The following RPH3AL variants were observed in gnomAD, a reference collection of about 807,000 sequenced individuals.
RPH3AL encodes rabphilin 3A like (without C2 domains), also known as rab effector Noc2.
In RPH3AL, 38 loss-of-function variants were observed where a neutral mutation model predicts 43.1. That is an observed-to-expected ratio of 0.88 (90% confidence interval 0.68 to 1.15). The LOEUF (loss-of-function observed/expected upper bound fraction) is 1.15. RPH3AL is among the 50% of genes most tolerant of loss of function. The pLI, the probability that RPH3AL is intolerant of heterozygous loss-of-function variation, is 0.00. For missense variants in RPH3AL, 462 were observed against 423.2 expected, an observed-to-expected ratio of 1.09 and a Z score of -0.81; for synonymous variants, 189 against 176.3, an observed-to-expected ratio of 1.07 and a Z score of -0.57.
At chr17:319,604 G>A (rs1043553776) in intron 4 of RPH3AL, 55 bp from the exon 5 acceptor site, 2 of 1,597,998 alleles carry the variant, frequency 1.3e-6, no homozygotes, top group African/African-American at 1.3e-5. Context: ...GGGCACAGTT[G>A]CACTGAGGCC....
intron 5 of RPH3AL, among the ~76,000 whole-genome samples, chr17:282,230 G>A (rs1322543969): frequency 6.6e-6 from 1 of 152,234 alleles, no homozygotes; most frequent in Non-Finnish European, 1.5e-5. Context: ...AGCCGACGGC[G>A]GTGCTGCCTG....
At chr17:318,658 C>T (rs977104497) in intron 5 of RPH3AL, among the ~76,000 whole-genome samples, 1 of 152,006 alleles carries the variant, frequency 6.6e-6, no homozygotes, top group Non-Finnish European at 1.5e-5. Context: ...GATTAGAAGG[C>T]ATATTATTCT....
rs1442352483 is a variant in RPH3AL, at chr17:213,817, C to A, written c.*35G>T. 1 of 1,581,160 alleles carries A rather than the reference C, an allele frequency of 6.3e-7. No individual in the cohort carries two copies. The highest frequency in any genetic ancestry group is 8.7e-7 in the Non-Finnish European group (1 of 1,151,858). On this transcript the variant is annotated 3_prime_UTR_variant, in exon 10 of 10. Coordinates refer to ENST00000331302, the MANE Select transcript of RPH3AL (RefSeq NM_006987.4). ...AGCCGGGCAGGGTCTGGCAGGAATC[C>A]TCCACAGGGAAGTCTGTTCCAGGCA...
chr17:215,741 G>T lies in RPH3AL; in HGVS notation c.789C>A (p.Cys263Ter). ...TCTCACCACTGGCCAGGCTGCTCTG[G>T]CACCCAGAGAGGTGGCCCGGCGGGT... ...FTHPPGHLSG[C>*]QSSLASGETG... Residue 263 changes from cysteine to a stop codon, truncating the protein, a stop_gained, in exon 9 of 10, where the codon TGC becomes TGA. Coordinates refer to ENST00000331302, the MANE Select transcript of RPH3AL (RefSeq NM_006987.4). LOFTEE classifies it high-confidence loss of function. This position sits in a 1 kb window ranked among gnomAD's most constrained non-coding sequence, Gnocchi z 4.1. The T allele has an allele frequency of 7.6e-7, 1 of 1,307,704 alleles. No individual in the cohort carries two copies. 81.0% of individuals were successfully genotyped at this position (1,307,704 alleles called of 1,614,324 possible). A position where few individuals can be genotyped will look rare whatever the true frequency, so the allele number is the denominator to read the frequency against.
At chr17:296,889 G>C (rs2043194020) in intron 5 of RPH3AL, among the ~76,000 whole-genome samples, 1 of 152,210 alleles carries the variant, frequency 6.6e-6, no homozygotes, top group African/African-American at 2.4e-5. Flanking sequence ...CGCTCAGGAG[G>C]CCTCTTGGGG....
At chr17:351,096 A>G (rs893016908) in intron 1 of RPH3AL, among the ~76,000 whole-genome samples, 1 of 152,136 alleles carries the variant, frequency 6.6e-6, no homozygotes, top group Non-Finnish European at 1.5e-5. Context: ...GCCTCCCCAC[A>G]GAGGGCCAAG....
At chr17:282,309 G>T (rs1376275595) in intron 5 of RPH3AL, among the ~76,000 whole-genome samples, 2 of 152,244 alleles carry the variant, frequency 1.3e-5, no homozygotes, top group African/African-American at 4.8e-5. Flanking sequence ...GTGTCCGACA[G>T]GTCAGAAGAC....
intron 7 of RPH3AL, among the ~76,000 whole-genome samples, chr17:220,376 T>G (rs373977625): frequency 0.031 from 1,655 of 53,012 alleles, 1 homozygote; most frequent in Non-Finnish European, 0.036. Flanking sequence ...CAGCTCTGAG[T>G]CCTCCACTCA....
rs140420674 is a variant in RPH3AL at position 231,043 on chromosome 17, T to G, written c.614-11307A>C. Among the ~76,000 whole-genome samples the G allele has an allele frequency of 1.5e-3, 229 of 152,298 alleles. 1 individual carries two copies. The highest frequency in any genetic ancestry group is 5.1e-3 in the African/African-American group (214 of 41,570). Reference sequence around the variant, plus strand: ...TCTGAATTTCTTATCTTCATTTCCCTCCGTATCTGTGTCTTTGTGTGTTCA... The same window carrying G: ...TCTGAATTTCTTATCTTCATTTCCCGCCGTATCTGTGTCTTTGTGTGTTCA... On this transcript the variant is annotated intron_variant, in intron 7 of 9. Transcript: ENST00000331302.
chr17:295,003 A>T, intron 5 of RPH3AL, among the ~76,000 whole-genome samples: 1 of 122,298 alleles, frequency 8.2e-6, no homozygotes. Flanking sequence ...TGGAAAGCAG[A>T]GGGAATGCAC....
chr17:238,181 G>A (rs199500368), intron 7 of RPH3AL, among the ~76,000 whole-genome samples: 11 of 124,946 alleles, frequency 8.8e-5, no homozygotes, highest in South Asian at 2.7e-4. Context: ...GAGAGAGAGA[G>A]AGAAAGAAAG....
intron 6 of RPH3AL, among the ~76,000 whole-genome samples, chr17:273,044 G>GTCAGGGAGAGACCCCAGCGCGGGTGACT (rs2042540027): frequency 1.1e-5 from 1 of 93,284 alleles, no homozygotes; most frequent in African/African-American, 3.4e-5. Context: ...CGAGGGCGAC[G>GTCAGGGAGAGACCCCAGCGCGGGTGACT]TCAGGGAGAG....
chr17:301,779 C>T (rs1263951242), intron 5 of RPH3AL, among the ~76,000 whole-genome samples: 2 of 152,142 alleles, frequency 1.3e-5, no homozygotes, highest in African/African-American at 2.4e-5. Flanking sequence ...CACGCCTGGC[C>T]TGTAGGCAAA....
At chr17:303,396 A>C (rs2043380345) in intron 5 of RPH3AL, among the ~76,000 whole-genome samples, 2 of 152,096 alleles carry the variant, frequency 1.3e-5, no homozygotes, top group Non-Finnish European at 1.5e-5. Flanking sequence ...GTCTCAAAAA[A>C]ACAATCACGA....
chr17:269,061 G>A (rs2042396007), intron 6 of RPH3AL, among the ~76,000 whole-genome samples: 1 of 152,100 alleles, frequency 6.6e-6, no homozygotes, highest in Non-Finnish European at 1.5e-5. Flanking sequence ...TGTATTTTTA[G>A]TAGAGACGGG....
At chr17:329,424 C>T (rs947840179) in intron 2 of RPH3AL, among the ~76,000 whole-genome samples, 6 of 152,178 alleles carry the variant, frequency 3.9e-5, no homozygotes, top group South Asian at 2.1e-4. Flanking sequence ...TGCAGTGAGC[C>T]GAGATCAAGC....
intron 6 of RPH3AL, among the ~76,000 whole-genome samples, chr17:277,787 C>T (rs1415762526): frequency 6.6e-6 from 1 of 152,034 alleles, no homozygotes; most frequent in Non-Finnish European, 1.5e-5. Context: ...AAAACCCCGT[C>T]TCTACAAAAA....
At position 328,638 on chromosome 17, in the gene RPH3AL, G is replaced by A. The variant is rs2044673416; in HGVS notation, c.-36-1059C>T. ...GCAGCACTATTCATGACCGCCAAAA[G>A]CAGAAACAACGAAAATATCCATCAA... On this transcript the variant is annotated intron_variant, in intron 2 of 9. Coordinates refer to ENST00000331302, the MANE Select transcript of RPH3AL (RefSeq NM_006987.4). This position sits in a 1 kb window ranked among gnomAD's most constrained non-coding sequence, Gnocchi z 4.2. Among the ~76,000 whole-genome samples, 1 of 152,094 alleles carries A rather than the reference G, an allele frequency of 6.6e-6. No individual in the cohort carries two copies. Among genetic ancestry groups the A allele is most frequent in the African/African-American group, 2.4e-5 (1 of 41,420 alleles).
Position 321,406 on chromosome 17 carries a change from C to CGT in RPH3AL, c.85_86dup (p.Gly30ArgfsTer55). 1 of 1,607,128 alleles carries CGT rather than the reference C, an allele frequency of 6.2e-7. No individual in the cohort carries two copies. Among genetic ancestry groups the CGT allele is most frequent in the African/African-American group, 1.3e-5 (1 of 74,974 alleles). ...TCTGGTAGGTGTGCACGGACCAGCC[C>CGT]GTCTGCAGCCTCGAGAGGGAACAGC... On this transcript the variant is annotated frameshift_variant, in exon 4 of 10. Coordinates refer to ENST00000331302, the MANE Select transcript of RPH3AL (RefSeq NM_006987.4). LOFTEE classifies it high-confidence loss of function.
Sources: allele counts gnomAD v4.1 joint callset (sites outside exome capture counted in the v4.1 genomes callset), GRCh38; gene constraint gnomAD v4.1.1; non-coding constraint Gnocchi (gnomAD v3.1); transcripts MANE v1.5; gene names NCBI Gene and HGNC (gene_info 2026-07-23, HGNC 2026-07-21).